MINDY3: variants seen among roughly 807,000 people sequenced by gnomAD.
The protein encoded by MINDY3 is MINDY lysine 48 deubiquitinase 3, also known as ubiquitin carboxyl-terminal hydrolase MINDY-3.
A neutral mutation model predicts 69.2 loss-of-function variants in MINDY3; 38 were observed. The observed-to-expected ratio is 0.55, with a 90% confidence interval of 0.42 to 0.72. MINDY3 has a LOEUF of 0.72. Ranked by LOEUF, MINDY3 falls within the 30% of genes least tolerant of loss-of-function variation. The probability of loss-of-function intolerance (pLI) is 0.00; values close to 1 mark genes in which losing one functional copy is unlikely to be tolerated. For synonymous variants in MINDY3, 192 were observed against 180.1 expected, an observed-to-expected ratio of 1.07 and a Z score of -0.53; for missense variants, 522 against 519.0, an observed-to-expected ratio of 1.01 and a Z score of -0.06.
chr10:15,826,119 G>A (rs531486259), intron 8 of MINDY3, among the ~76,000 whole-genome samples: 2 of 152,236 alleles, frequency 1.3e-5, no homozygotes, highest in East Asian at 1.9e-4. Flanking sequence ...GGAATAGTAC[G>A]AAATGAAGAT....
intron 10 of MINDY3, among the ~76,000 whole-genome samples, chr10:15,814,567 G>C (rs190518653): frequency 6.6e-6 from 1 of 151,326 alleles, no homozygotes; most frequent in East Asian, 1.9e-4. Flanking sequence ...CACCCACATG[G>C]CAGGAGTTTT....
At chr10:15,834,441 C>A in intron 7 of MINDY3, 102 bp downstream of exon 7, 1 of 770,184 alleles carries the variant, frequency 1.3e-6, no homozygotes, top group Non-Finnish European at 2.2e-6. Context: ...ACTGTCAACA[C>A]TACTGACAAA....
At chr10:15,838,325 G>A (rs761569348) in intron 4 of MINDY3, 46 bp from the exon 5 acceptor site, 1 of 1,514,448 alleles carries the variant, frequency 6.6e-7, no homozygotes. Context: ...GCAAATAAAT[G>A]ACACAAGATA....
intron 13 of MINDY3, among the ~76,000 whole-genome samples, chr10:15,785,402 A>C (rs960802128): frequency 6.6e-6 from 1 of 152,162 alleles, no homozygotes; most frequent in African/African-American, 2.4e-5. Flanking sequence ...ATCTTCCCCA[A>C]ATTAAATTAA....
intron 1 of MINDY3, among the ~76,000 whole-genome samples, chr10:15,853,670 T>C (rs974531963): frequency 2.0e-5 from 3 of 152,014 alleles, no homozygotes; most frequent in South Asian, 2.1e-4. Context: ...CTGGGTATGA[T>C]GGTCAAAAGT....
chr10:15,786,700 GC>G (rs980240936), intron 12 of MINDY3, 52 bp from the exon 13 acceptor site: 3 of 1,105,164 alleles, frequency 2.7e-6, no homozygotes, highest in Non-Finnish European at 4.1e-6. Context: ...AAAAAAAGCT[GC>G]TTTTCTTTCA....
At chr10:15,837,364 C>T in intron 5 of MINDY3, 46 bp from the exon 6 acceptor site, 1 of 1,394,196 alleles carries the variant, frequency 7.2e-7, no homozygotes, top group Non-Finnish European at 9.9e-7. Context: ...ATGAGATTAA[C>T]TACATTCATA....
intron 10 of MINDY3, among the ~76,000 whole-genome samples, chr10:15,796,728 G>T (rs1227189096): frequency 6.6e-6 from 1 of 151,812 alleles, no homozygotes; most frequent in Non-Finnish European, 1.5e-5. Flanking sequence ...GAACTCAAAG[G>T]AAACACCCTA....
At chr10:15,781,724 G>A (rs1343531652) in intron 14 of MINDY3, among the ~76,000 whole-genome samples, 1 of 152,122 alleles carries the variant, frequency 6.6e-6, no homozygotes, top group Non-Finnish European at 1.5e-5. Context: ...CTTAAGCAAA[G>A]TACTTAATAC....
intron 10 of MINDY3, among the ~76,000 whole-genome samples, chr10:15,816,260 C>CAAAAAA (rs1164005904): frequency 7.5e-5 from 2 of 26,724 alleles, no homozygotes; most frequent in Non-Finnish European, 8.3e-5. Flanking sequence ...GACTCCATCT[C>CAAAAAA]AAAAAAAAAA....
chr10:15,847,839 G>T, intron 2 of MINDY3, 25 bp downstream of exon 2: 1 of 1,560,776 alleles, frequency 6.4e-7, no homozygotes, highest in Non-Finnish European at 8.8e-7. Flanking sequence ...TCCCTCTAAG[G>T]AGTTGGTAAA....
chr10:15,860,391 G>A lies in MINDY3; in HGVS notation c.-92C>T. The A allele has an allele frequency of 1.1e-6, 1 of 936,420 alleles. No individual in the cohort carries two copies. The highest frequency in any genetic ancestry group is 1.7e-6 in the Non-Finnish European group (1 of 591,594). 58.0% of individuals were successfully genotyped at this position (936,420 alleles called of 1,614,324 possible). On this transcript the variant is annotated 5_prime_UTR_variant, in exon 1 of 15. Transcript: ENST00000277632. Reference sequence around the variant, plus strand: ...CTCCGGAAACAGCAGCTGCGGGACGGCGGCGGCAAACGAATTGGAAGGTGA... The same window carrying A: ...CTCCGGAAACAGCAGCTGCGGGACGACGGCGGCAAACGAATTGGAAGGTGA...
chr10:15,859,591 A>C (rs1203511505), intron 1 of MINDY3, among the ~76,000 whole-genome samples: 4 of 152,166 alleles, frequency 2.6e-5, no homozygotes, highest in Admixed American at 2.6e-4. Flanking sequence ...CCGGCCGAGG[A>C]AGTACTATGA....
chr10:15,802,909 C>A (rs1179486057), intron 10 of MINDY3, among the ~76,000 whole-genome samples: 1 of 151,742 alleles, frequency 6.6e-6, no homozygotes, highest in Non-Finnish European at 1.5e-5. Flanking sequence ...AATCACACCA[C>A]TTAAAAAAGA....
intron 9 of MINDY3, chr10:15,817,157 A>G (rs548604605): frequency 5.1e-6 from 2 of 394,496 alleles, no homozygotes; most frequent in Non-Finnish European, 9.0e-6. Flanking sequence ...TAGATTTAAC[A>G]CAGCTGGAGA....
intron 1 of MINDY3, among the ~76,000 whole-genome samples, chr10:15,852,425 A>G (rs1834370431): frequency 6.6e-6 from 1 of 152,186 alleles, no homozygotes; most frequent in South Asian, 2.1e-4. Context: ...AGCAATTTCA[A>G]TCATCTTAAA....
intron 1 of MINDY3, among the ~76,000 whole-genome samples, chr10:15,854,536 C>G (rs1588663464): frequency 6.6e-6 from 1 of 152,120 alleles, no homozygotes; most frequent in South Asian, 2.1e-4. Context: ...TTGAGAGCCA[C>G]TGGCCTAGGA....
At position 15,778,279 on chromosome 10, in the gene MINDY3, T is replaced by C. The variant is rs1395190500; in HGVS notation, c.*713A>G. The stretch of plus-strand genomic sequence containing the variant: ...CTCATGCATTTATCGTGTTTATAAA[T>C]ATAGAAGAAAGCTGGCTTACAGGGC... On this transcript the variant is annotated 3_prime_UTR_variant, in exon 15 of 15. Transcript: ENST00000277632. 6.6e-6 allele frequency: 1 copy of C among 152,204 alleles called. No homozygotes were observed. The highest frequency in any genetic ancestry group is 2.4e-5 in the African/African-American group (1 of 41,452). 9.4% of individuals were successfully genotyped at this position (152,204 alleles called of 1,614,324 possible). A position where few individuals can be genotyped will look rare whatever the true frequency, so the allele number is the denominator to read the frequency against.
At chr10:15,852,720 A>C (rs1048960926) in intron 1 of MINDY3, among the ~76,000 whole-genome samples, 1 of 152,178 alleles carries the variant, frequency 6.6e-6, no homozygotes, top group Non-Finnish European at 1.5e-5. Flanking sequence ...CCAAATTTTA[A>C]AAGGTTGAAG....
Sources: allele counts gnomAD v4.1 joint callset (sites outside exome capture counted in the v4.1 genomes callset), GRCh38; gene constraint gnomAD v4.1.1; transcripts MANE v1.5; gene names NCBI Gene and HGNC (gene_info 2026-07-23, HGNC 2026-07-21).